The following NEK11 variants were observed in gnomAD, a reference collection of about 807,000 sequenced individuals.
NEK11 encodes serine/threonine-protein kinase Nek11.
Under a neutral mutation model 80.7 loss-of-function variants are expected in NEK11, and 72 were observed. The ratio of observed to expected loss-of-function variants is 0.89; its 90% confidence interval spans 0.74 to 1.08. NEK11 has a LOEUF of 1.08. NEK11 is among the 50% of genes least tolerant of loss of function. The probability of loss-of-function intolerance (pLI) is 0.00; values close to 1 mark genes in which losing one functional copy is unlikely to be tolerated. For missense variants in NEK11, 764 were observed against 763.6 expected (o/e 1.00, Z -0.01); for synonymous variants, 251 against 260.7 (o/e 0.96, Z 0.36).
chr3:131,199,960 A>G (rs1560926413), intron 14 of NEK11, among the ~76,000 whole-genome samples: 1 of 152,196 alleles, frequency 6.6e-6, no homozygotes, highest in Non-Finnish European at 1.5e-5. Context: ...AGGAAATAAC[A>G]GGGGAAAATT....
chr3:131,236,177 G>T (rs1003432396), intron 15 of NEK11, among the ~76,000 whole-genome samples: 1 of 152,164 alleles, frequency 6.6e-6, no homozygotes, highest in Non-Finnish European at 1.5e-5. Context: ...CTAGGCTATT[G>T]TATGTATAGA....
intron 3 of NEK11, among the ~76,000 whole-genome samples, chr3:131,059,094 G>A (rs1338659036): frequency 6.6e-6 from 1 of 152,144 alleles, no homozygotes; most frequent in Non-Finnish European, 1.5e-5. Context: ...AACCGTTAAT[G>A]AACAATGAAA....
chr3:131,305,251 A>G (rs1357342338), intron 17 of NEK11, among the ~76,000 whole-genome samples: 1 of 152,128 alleles, frequency 6.6e-6, no homozygotes, highest in Non-Finnish European at 1.5e-5. Context: ...ACAAAACGGC[A>G]AAGGGAAGCT....
intron 7 of NEK11, among the ~76,000 whole-genome samples, chr3:131,145,909 C>G (rs989920916): frequency 6.6e-6 from 1 of 152,042 alleles, no homozygotes; most frequent in Non-Finnish European, 1.5e-5. Flanking sequence ...AGAAGAGGGC[C>G]TGGCTCATAG....
intron 5 of NEK11, among the ~76,000 whole-genome samples, chr3:131,114,472 A>G (rs1330797789): frequency 1.3e-5 from 2 of 152,152 alleles, no homozygotes; most frequent in Non-Finnish European, 2.9e-5. Flanking sequence ...AGTCTGCTCT[A>G]CATGTCTTCA....
intron 17 of NEK11, among the ~76,000 whole-genome samples, chr3:131,322,572 CTG>C (rs2096908370): frequency 6.6e-6 from 1 of 152,186 alleles, no homozygotes; most frequent in Non-Finnish European, 1.5e-5. Context: ...AAACCAGAGC[CTG>C]TGTTTCTCGA....
At chr3:131,245,916 TC>T (rs1382601757) in intron 16 of NEK11, among the ~76,000 whole-genome samples, 1 of 152,126 alleles carries the variant, frequency 6.6e-6, no homozygotes, top group Non-Finnish European at 1.5e-5. Flanking sequence ...AAATATTTTC[TC>T]CTGTTCTGCA....
intron 3 of NEK11, among the ~76,000 whole-genome samples, chr3:131,058,602 AC>A (rs911051825): frequency 3.3e-5 from 5 of 152,142 alleles, no homozygotes; most frequent in African/African-American, 1.2e-4. Context: ...TGTAAATACA[AC>A]CCATTGACTT....
intron 15 of NEK11, among the ~76,000 whole-genome samples, chr3:131,233,100 C>CAGGA (rs2095364607): frequency 6.6e-6 from 1 of 150,772 alleles, no homozygotes; most frequent in African/African-American, 2.4e-5. Context: ...GGCTGGCAGG[C>CAGGA]AGGAAGGAAG....
intron 16 of NEK11, among the ~76,000 whole-genome samples, chr3:131,260,361 T>C (rs1436439632): frequency 6.6e-6 from 1 of 152,132 alleles, no homozygotes; most frequent in Non-Finnish European, 1.5e-5. Flanking sequence ...TCTTCACACC[T>C]GTAAGATGAA....
At chr3:131,212,269 C>G (rs1322542693) in intron 14 of NEK11, among the ~76,000 whole-genome samples, 2 of 152,260 alleles carry the variant, frequency 1.3e-5, no homozygotes, top group Admixed American at 6.5e-5. Flanking sequence ...CACTCCAGAC[C>G]CTGTTTCCCT....
At chr3:131,178,728 A>G (rs1233171288) in intron 14 of NEK11, among the ~76,000 whole-genome samples, 1 of 152,238 alleles carries the variant, frequency 6.6e-6, no homozygotes, top group Non-Finnish European at 1.5e-5. Context: ...AGTATAGTAT[A>G]GTAAATATGT....
At chr3:131,252,578 G>A (rs2095727762) in intron 16 of NEK11, among the ~76,000 whole-genome samples, 1 of 152,044 alleles carries the variant, frequency 6.6e-6, no homozygotes, top group Admixed American at 6.6e-5. Context: ...GTGGCTTCAG[G>A]AGATCCTGAA....
chr3:131,033,851 G>A (rs927814640), intron 3 of NEK11, among the ~76,000 whole-genome samples: 4 of 152,032 alleles, frequency 2.6e-5, no homozygotes, highest in Non-Finnish European at 4.4e-5. Context: ...CATAAATATT[G>A]GGCATCCCTT....
chr3:131,259,060 A>G (rs1581021374), intron 16 of NEK11, among the ~76,000 whole-genome samples: 1 of 152,256 alleles, frequency 6.6e-6, no homozygotes, highest in South Asian at 2.1e-4. Flanking sequence ...TTTTGTATCA[A>G]TGAGGCAACT....
intron 17 of NEK11, among the ~76,000 whole-genome samples, chr3:131,336,924 C>A (rs542039301): frequency 4.6e-5 from 7 of 152,232 alleles, no homozygotes; most frequent in Non-Finnish European, 1.0e-4. Context: ...GATACCATCT[C>A]ACACCAGTTA....
chr3:131,108,091 T>A (rs1199199013), intron 4 of NEK11, among the ~76,000 whole-genome samples: 1 of 152,132 alleles, frequency 6.6e-6, no homozygotes, highest in Non-Finnish European at 1.5e-5. Context: ...CCAGAAAAAC[T>A]ATCAGGAAAC....
chr3:131,239,285 A>G (rs2095484881), intron 15 of NEK11, among the ~76,000 whole-genome samples: 1 of 152,136 alleles, frequency 6.6e-6, no homozygotes, highest in African/African-American at 2.4e-5. Context: ...CATAAGGTTG[A>G]CTGAGGACGT....
rs186700334 is a variant in NEK11, at chr3:131,350,098, G to A, written c.*322G>A. 3 of 274,948 alleles carry A rather than the reference G, an allele frequency of 1.1e-5. No homozygotes were observed. The highest frequency in any genetic ancestry group is 9.6e-5 in the East Asian group (1 of 10,430). 17.0% of individuals were successfully genotyped at this position (274,948 alleles called of 1,614,324 possible). A position where few individuals can be genotyped will look rare whatever the true frequency, so the allele number is the denominator to read the frequency against. ...CCCTGACGATGACCGGGGAGAAGCC[G>A]TGTGCTCTTCATTATTTTCAGCTGG... On this transcript the variant is annotated 3_prime_UTR_variant, in exon 18 of 18. Coordinates refer to ENST00000383366, the MANE Select transcript of NEK11 (RefSeq NM_024800.5).
Sources: gnomAD v4.1 joint callset for allele counts (sites outside exome capture counted in the v4.1 genomes callset) on GRCh38, gnomAD v4.1.1 for gene constraint, MANE v1.5 for transcripts, NCBI Gene and HGNC (gene_info 2026-07-23, HGNC 2026-07-21) for gene names.